ALDH18A1: variants seen among roughly 807,000 people sequenced by gnomAD.
ALDH18A1 encodes aldehyde dehydrogenase 18 family member A1.
ALDH18A1 carries 44 observed loss-of-function variants against 88.8 expected under a neutral mutation model. The observed-to-expected ratio is 0.50, with a 90% CI of 0.39 to 0.64. The LOEUF is 0.64. Ranked by LOEUF, ALDH18A1 falls within the 30% of genes least tolerant of loss-of-function variation. ALDH18A1 has a pLI of 0.00. For synonymous variants in ALDH18A1, 331 were observed against 372.1 expected (o/e 0.89, Z 1.27); for missense variants, 782 against 1,009.5 (o/e 0.77, Z 3.05).
intron 3 of ALDH18A1, among the ~76,000 whole-genome samples, chr10:95,637,852 T>TG (rs2097883812): frequency 6.6e-6 from 1 of 151,888 alleles, no homozygotes; most frequent in African/African-American, 2.4e-5. Flanking sequence ...GCCAGCTACT[T>TG]GGGAGGCTGA....
chr10:95,628,521 T>G (rs748448987), intron 7 of ALDH18A1, 29 bp from the exon 8 acceptor site: 7 of 1,609,240 alleles, frequency 4.3e-6, no homozygotes, highest in Non-Finnish European at 4.2e-6. Flanking sequence ...TCAGTAATAC[T>G]GCTTTGATGG....
chr10:95,607,027 C>A, intron 17 of ALDH18A1, 84 bp from the exon 18 acceptor site: 1 of 1,385,674 alleles, frequency 7.2e-7, no homozygotes, highest in South Asian at 1.2e-5. Flanking sequence ...GCTGCTTTCC[C>A]CTCACTTGGT....
At chr10:95,634,994 T>C (rs990445781) in intron 5 of ALDH18A1, among the ~76,000 whole-genome samples, 2 of 151,994 alleles carry the variant, frequency 1.3e-5, no homozygotes, top group Non-Finnish European at 2.9e-5. Context: ...GAGAAGAATA[T>C]AGCAATAAAA....
chr10:95,650,378 GC>G (rs1223078231), intron 2 of ALDH18A1, among the ~76,000 whole-genome samples: 1 of 152,206 alleles, frequency 6.6e-6, no homozygotes, highest in East Asian at 1.9e-4. Context: ...ATATGGTTTG[GC>G]CCTTCCAAGT....
At chr10:95,650,369 T>C (rs1457001002) in intron 2 of ALDH18A1, among the ~76,000 whole-genome samples, 3 of 152,196 alleles carry the variant, frequency 2.0e-5, no homozygotes, top group Non-Finnish European at 4.4e-5. Context: ...ATGGTTTGGA[T>C]ATGGTTTGGC....
Position 95,633,212 on chromosome 10 carries a change from G to A in ALDH18A1, c.718-163C>T, listed in dbSNP as rs3750701. Among the ~76,000 whole-genome samples, 95,232 of 151,710 alleles carry A rather than the reference G, an allele frequency of 0.63. 30,125 individuals are homozygous for A. Among genetic ancestry groups the A allele is most frequent in the East Asian group, 0.74 (3,790 of 5,132 alleles). On this transcript the variant is annotated intron_variant, in intron 6 of 17. Transcript: ENST00000371224. ...CTCTTGCAGGCCCCTTCTGTCTGCAGAACACACTGTCTACTGGCAATCCTT... is the reference window on the plus strand; with the variant it reads ...CTCTTGCAGGCCCCTTCTGTCTGCAAAACACACTGTCTACTGGCAATCCTT...
At chr10:95,647,621 G>A (rs537067858) in intron 2 of ALDH18A1, among the ~76,000 whole-genome samples, 1 of 152,272 alleles carries the variant, frequency 6.6e-6, no homozygotes, top group East Asian at 1.9e-4. Flanking sequence ...TTTGATTGTG[G>A]GTTGTAAGAC....
At chr10:95,641,032 G>C (rs903309740) in intron 3 of ALDH18A1, among the ~76,000 whole-genome samples, 1 of 152,064 alleles carries the variant, frequency 6.6e-6, no homozygotes, top group African/African-American at 2.4e-5. Context: ...ACTCATTCCT[G>C]CCTGTCCTCT....
chr10:95,631,757 A>C (rs183338078), intron 7 of ALDH18A1, among the ~76,000 whole-genome samples: 6 of 151,626 alleles, frequency 4.0e-5, no homozygotes, highest in Non-Finnish European at 7.4e-5. Flanking sequence ...AAAAAAAAAA[A>C]AAAAAAAACA....
At chr10:95,650,997 G>A (rs2097909526) in intron 2 of ALDH18A1, among the ~76,000 whole-genome samples, 1 of 152,086 alleles carries the variant, frequency 6.6e-6, no homozygotes, top group African/African-American at 2.4e-5. Flanking sequence ...GGCTGGGCAT[G>A]GTGGTGGGCA....
At chr10:95,648,717 T>C (rs1422076721) in intron 2 of ALDH18A1, among the ~76,000 whole-genome samples, 1 of 152,184 alleles carries the variant, frequency 6.6e-6, no homozygotes, top group Non-Finnish European at 1.5e-5. Context: ...AACAGCCTGC[T>C]GGAGAATGAG....
rs557388312 is a variant in ALDH18A1, at chr10:95,606,064, C to T, written c.*698G>A. On this transcript the variant is annotated 3_prime_UTR_variant, in exon 18 of 18. Coordinates refer to ENST00000371224, the MANE Select transcript of ALDH18A1 (RefSeq NM_002860.4). ...AAATAATTCATACAAAAATTTCAAG[C>T]ATCACTGCTGTAGATATTCCTCCAG... 4.8e-4 allele frequency: 88 copies of T among 182,064 alleles called. No individual in the cohort carries two copies. The Middle Eastern group carries it at 0.012, about 24-fold the overall frequency. 11.3% of individuals were successfully genotyped at this position (182,064 alleles called of 1,614,324 possible). A position where few individuals can be genotyped will look rare whatever the true frequency, so the allele number is the denominator to read the frequency against.
chr10:95,638,008 A>ACAC (rs1253410853), intron 3 of ALDH18A1, among the ~76,000 whole-genome samples: 1 of 129,044 alleles, frequency 7.7e-6, no homozygotes, highest in Non-Finnish European at 1.7e-5. Flanking sequence ...AACAACAACA[A>ACAC]CACCCTAAGA....
intron 16 of ALDH18A1, among the ~76,000 whole-genome samples, chr10:95,610,974 A>AG: frequency 6.6e-6 from 1 of 152,188 alleles, no homozygotes; most frequent in African/African-American, 2.4e-5. Context: ...GTTTATTTTA[A>AG]CTACCTTGTA....
chr10:95,622,019 CAT>C (rs1293403622), intron 11 of ALDH18A1, among the ~76,000 whole-genome samples: 1 of 151,974 alleles, frequency 6.6e-6, no homozygotes, highest in South Asian at 2.1e-4. Flanking sequence ...AAACACTGCA[CAT>C]ATATGTGTGC....
chr10:95,608,611 C>T (rs574589033), intron 17 of ALDH18A1, among the ~76,000 whole-genome samples: 3 of 152,222 alleles, frequency 2.0e-5, no homozygotes, highest in Non-Finnish European at 4.4e-5. Context: ...AAGGGATCCT[C>T]TTGCCTCAGC....
At chr10:95,619,691 G>C (rs896693088) in intron 12 of ALDH18A1, among the ~76,000 whole-genome samples, 9 of 152,152 alleles carry the variant, frequency 5.9e-5, no homozygotes, top group Non-Finnish European at 1.2e-4. Context: ...ATGGGGAAAG[G>C]ATTCCCTATT....
chr10:95,606,633 G>C lies in ALDH18A1; in HGVS notation c.*129C>G. ...TGCTATTGCCAAACGGAGCCCAGAA[G>C]CATCCAGGTACACTTTCCAACAGGC... On this transcript the variant is annotated 3_prime_UTR_variant, in exon 18 of 18. Coordinates refer to ENST00000371224, the MANE Select transcript of ALDH18A1 (RefSeq NM_002860.4). 1 of 1,602,024 alleles carries C rather than the reference G, an allele frequency of 6.2e-7. No homozygotes were observed. The highest frequency in any genetic ancestry group is 8.5e-7 in the Non-Finnish European group (1 of 1,176,582).
At chr10:95,623,289 G>T (rs2097855714) in intron 11 of ALDH18A1, among the ~76,000 whole-genome samples, 2 of 152,112 alleles carry the variant, frequency 1.3e-5, no homozygotes, top group African/African-American at 4.8e-5. Flanking sequence ...CCATTAATTT[G>T]ATACAGCTGA....
Sources: gnomAD v4.1 joint callset for allele counts (sites outside exome capture counted in the v4.1 genomes callset) on GRCh38, gnomAD v4.1.1 for gene constraint, MANE v1.5 for transcripts, NCBI Gene and HGNC (gene_info 2026-07-23, HGNC 2026-07-21) for gene names.